The following CNTNAP2 variants were observed in gnomAD, a reference collection of about 807,000 sequenced individuals.
CNTNAP2 encodes contactin-associated protein-like 2.
A neutral mutation model predicts 155.2 loss-of-function variants in CNTNAP2; 98 were observed. The ratio of observed to expected loss-of-function variants is 0.63; its 90% CI spans 0.54 to 0.75. The LOEUF is 0.75. CNTNAP2 is among the 30% of genes least tolerant of loss of function. The pLI is 0.00. For missense variants in CNTNAP2, 1,727 were observed against 1,688.1 expected, an observed-to-expected ratio of 1.02 and a Z score of -0.40; for synonymous variants, 651 against 631.2, an observed-to-expected ratio of 1.03 and a Z score of -0.47.
chr7:146,788,822 GT>G (rs935026273), intron 2 of CNTNAP2, among the ~76,000 whole-genome samples: 21 of 150,840 alleles, frequency 1.4e-4, no homozygotes, highest in Admixed American at 2.0e-4. Context: ...ACATCCACGT[GT>G]TTTTTTGTTT....
intron 4 of CNTNAP2, among the ~76,000 whole-genome samples, chr7:147,067,573 A>C (rs1437042197): frequency 6.6e-6 from 1 of 152,118 alleles, no homozygotes; most frequent in East Asian, 1.9e-4. Flanking sequence ...TCAAAAACCC[A>C]CCTGTCCGAC....
At chr7:147,141,498 T>C (rs184791564) in intron 8 of CNTNAP2, among the ~76,000 whole-genome samples, 1 of 152,198 alleles carries the variant, frequency 6.6e-6, no homozygotes, top group African/African-American at 2.4e-5. Flanking sequence ...AGCCATTTAA[T>C]GCTTGGAACA....
intron 14 of CNTNAP2, among the ~76,000 whole-genome samples, chr7:147,943,618 C>T (rs535089476): frequency 6.6e-6 from 1 of 151,500 alleles, no homozygotes; most frequent in South Asian, 2.1e-4. Context: ...AAAATAGAAA[C>T]ATTATCTGGG....
chr7:147,955,475 A>G (rs1256309870), intron 14 of CNTNAP2, among the ~76,000 whole-genome samples: 1 of 152,344 alleles, frequency 6.6e-6, no homozygotes, highest in Non-Finnish European at 1.5e-5. Context: ...AATGAGAGTG[A>G]AAAAGGAAAT....
At chr7:147,112,586 T>C (rs1169128541) in intron 5 of CNTNAP2, among the ~76,000 whole-genome samples, 5 of 152,204 alleles carry the variant, frequency 3.3e-5, no homozygotes, top group Admixed American at 2.0e-4. Context: ...TAAAGGGATG[T>C]TGAATTTTAT....
intron 13 of CNTNAP2, among the ~76,000 whole-genome samples, chr7:147,639,765 C>T (rs1795243907): frequency 6.6e-6 from 1 of 152,196 alleles, no homozygotes; most frequent in Non-Finnish European, 1.5e-5. Context: ...CTGTTTGTCT[C>T]AAGAAGTCTA....
chr7:147,650,352 A>G (rs1333878008), intron 13 of CNTNAP2, among the ~76,000 whole-genome samples: 1 of 152,192 alleles, frequency 6.6e-6, no homozygotes, highest in African/African-American at 2.4e-5. Flanking sequence ...CAATGAGGGT[A>G]AAAATAATAC....
At chr7:146,529,913 C>T (rs1404239801) in intron 1 of CNTNAP2, among the ~76,000 whole-genome samples, 1 of 151,954 alleles carries the variant, frequency 6.6e-6, no homozygotes, top group African/African-American at 2.4e-5. Context: ...TGCAGTGAGC[C>T]GAGATCGTGC....
intron 15 of CNTNAP2, among the ~76,000 whole-genome samples, chr7:148,057,056 A>G (rs1431020099): frequency 6.6e-6 from 1 of 152,092 alleles, no homozygotes; most frequent in Non-Finnish European, 1.5e-5. Flanking sequence ...TCATTTTCTC[A>G]TCTGTGCCCA....
intron 1 of CNTNAP2, among the ~76,000 whole-genome samples, chr7:146,495,012 T>C (rs1475683304): frequency 1.3e-5 from 2 of 152,194 alleles, no homozygotes; most frequent in Admixed American, 6.5e-5. Flanking sequence ...CAATTTATCA[T>C]CCATTCTAGC....
chr7:148,207,415 A>G (rs1030344151), intron 18 of CNTNAP2, among the ~76,000 whole-genome samples: 4 of 152,252 alleles, frequency 2.6e-5, no homozygotes, highest in African/African-American at 9.6e-5. Context: ...GAAGGGGACC[A>G]AGAGCGTTAG....
rs567033066 is a variant in CNTNAP2 at position 146,842,238 on chromosome 7, G to C, written c.402+2334G>C. 3.3e-4 allele frequency among the ~76,000 whole-genome samples: 50 copies of C among 152,142 alleles called. 1 individual carries two copies. Among genetic ancestry groups the C allele is most frequent in the African/African-American group, 1.2e-3 (50 of 41,464 alleles). ...ATAATGGTTGAGTCGGGGAGACAAG[G>C]ATGTCATGTAGTGAAAACATCACAA... On this transcript the variant is annotated intron_variant, in intron 3 of 23. Coordinates refer to ENST00000361727, the MANE Select transcript of CNTNAP2 (RefSeq NM_014141.6).
Position 148,098,444 on chromosome 7 carries a change from G to GAAAAAAA in CNTNAP2, c.2384-19655_2384-19649dup, listed in dbSNP as rs61014019. On this transcript the variant is annotated intron_variant, in intron 15 of 23. Coordinates refer to ENST00000361727, the MANE Select transcript of CNTNAP2 (RefSeq NM_014141.6). ...GGTGACAGAGCGAGACTCTGTCTCA[G>GAAAAAAA]AAAAAAAAAAAAAAAAAAAAAAAAA... Among the ~76,000 whole-genome samples, 321 of 56,404 alleles carry GAAAAAAA rather than the reference G, an allele frequency of 5.7e-3. 44 individuals are homozygous for GAAAAAAA. Among genetic ancestry groups the GAAAAAAA allele is most frequent in the African/African-American group, 0.024 (304 of 12,490 alleles). 37.0% of individuals were successfully genotyped at this position (56,404 alleles called of 152,430 possible).
chr7:146,393,820 A>G (rs1169205883), intron 1 of CNTNAP2, among the ~76,000 whole-genome samples: 3 of 152,166 alleles, frequency 2.0e-5, no homozygotes, highest in East Asian at 3.8e-4. Context: ...TTTATTAAAT[A>G]TAATCATTTA....
chr7:147,752,584 G>A (rs1156955417), intron 13 of CNTNAP2, among the ~76,000 whole-genome samples: 1 of 152,162 alleles, frequency 6.6e-6, no homozygotes, highest in African/African-American at 2.4e-5. Context: ...TAGAAAATAA[G>A]AGGTGGAAAA....
intron 1 of CNTNAP2, among the ~76,000 whole-genome samples, chr7:146,632,004 A>G (rs1799518676): frequency 6.6e-6 from 1 of 152,178 alleles, no homozygotes; most frequent in Non-Finnish European, 1.5e-5. Context: ...CATTCATATG[A>G]TGTAATTACT....
intron 10 of CNTNAP2, among the ~76,000 whole-genome samples, chr7:147,411,475 C>G (rs1797101672): frequency 6.6e-6 from 1 of 152,156 alleles, no homozygotes; most frequent in Non-Finnish European, 1.5e-5. Context: ...AAGTTTATTT[C>G]TGCACATGTA....
intron 13 of CNTNAP2, among the ~76,000 whole-genome samples, chr7:147,680,399 C>T (rs1469075299): frequency 6.6e-6 from 1 of 151,994 alleles, no homozygotes; most frequent in African/African-American, 2.4e-5. Flanking sequence ...TTTCATCAAG[C>T]ATATCAAGAC....
chr7:147,485,910 T>G lies in CNTNAP2; in HGVS notation c.1671-25T>G, dbSNP rs767894388. The G allele has an allele frequency of 4.3e-6, 7 of 1,610,302 alleles. No individual in the cohort carries two copies. The East Asian group carries it at 1.6e-4, about 36-fold the overall frequency. ...AAATCTCATTTGTTTGTTGGTTTAT[T>G]TCTGTTTGTCTCTCTCTCTGACAGA... On this transcript the variant is annotated intron_variant, in intron 10 of 23. Coordinates refer to ENST00000361727, the MANE Select transcript of CNTNAP2 (RefSeq NM_014141.6).
Sources: allele counts gnomAD v4.1 joint callset (sites outside exome capture counted in the v4.1 genomes callset), GRCh38; gene constraint gnomAD v4.1.1; transcripts MANE v1.5; gene names NCBI Gene and HGNC (gene_info 2026-07-23, HGNC 2026-07-21).